The following ANXA4 variants were observed in gnomAD, a reference collection of about 807,000 sequenced individuals.
ANXA4 encodes the protein annexin A4, also known as 35-beta calcimedin.
A neutral mutation model predicts 49.8 loss-of-function variants in ANXA4; 39 were observed. That is an observed-to-expected ratio of 0.78 (90% CI 0.61 to 1.02). The LOEUF (loss-of-function observed/expected upper bound fraction) is 1.02. Ranked by LOEUF, ANXA4 falls within the 50% of genes least tolerant of loss-of-function variation. The probability of loss-of-function intolerance (pLI) is 0.00; values close to 1 mark genes in which losing one functional copy is unlikely to be tolerated. For synonymous variants in ANXA4, 134 were observed against 152.5 expected (o/e 0.88, Z 0.89); for missense variants, 360 against 410.1 (o/e 0.88, Z 1.05).
intron 3 of ANXA4, among the ~76,000 whole-genome samples, chr2:69,732,200 A>C (rs904522277): frequency 3.3e-5 from 5 of 150,948 alleles, no homozygotes; most frequent in African/African-American, 1.2e-4. Flanking sequence ...GATGGTCTCA[A>C]TCTCCTGACC....
At chr2:69,799,042 A>G (rs2103778264) in intron 3 of ANXA4, among the ~76,000 whole-genome samples, 1 of 152,278 alleles carries the variant, frequency 6.6e-6, no homozygotes, top group East Asian at 1.9e-4. Flanking sequence ...TGGTCTAGGG[A>G]GGAGGGGCCT....
At chr2:69,708,538 A>G (rs1678575980) in intron 2 of ANXA4, among the ~76,000 whole-genome samples, 1 of 151,890 alleles carries the variant, frequency 6.6e-6, no homozygotes, top group Non-Finnish European at 1.5e-5. Flanking sequence ...AAAGAAAGAG[A>G]GAGAGAGAGA....
chr2:69,758,682 T>C (rs1414935059), intron 1 of ANXA4, among the ~76,000 whole-genome samples: 1 of 152,196 alleles, frequency 6.6e-6, no homozygotes, highest in Non-Finnish European at 1.5e-5. Context: ...TACGCCTAAA[T>C]ATTAAATTAA....
chr2:69,678,341 C>CT (rs1228987109), intron 2 of ANXA4, among the ~76,000 whole-genome samples: 268 of 78,106 alleles, frequency 3.4e-3, no homozygotes, highest in Admixed American at 7.0e-3. Flanking sequence ...TGCTAAATTG[C>CT]TTTTTTTTTT....
intron 3 of ANXA4, among the ~76,000 whole-genome samples, chr2:69,793,031 A>G (rs889187175): frequency 2.0e-5 from 3 of 151,256 alleles, no homozygotes; most frequent in African/African-American, 7.2e-5. Context: ...AGGCGGGCGG[A>G]TCACGAGGTC....
intron 1 of ANXA4, among the ~76,000 whole-genome samples, chr2:69,769,434 T>G (rs1671625986): frequency 6.6e-6 from 1 of 152,206 alleles, no homozygotes; most frequent in Non-Finnish European, 1.5e-5. Context: ...TCATGCTAAC[T>G]TCAGGCAAAT....
intron 1 of ANXA4, among the ~76,000 whole-genome samples, chr2:69,771,202 C>G (rs1484648235): frequency 6.6e-6 from 1 of 151,720 alleles, no homozygotes; most frequent in Non-Finnish European, 1.5e-5. Flanking sequence ...AAGCCAAACT[C>G]TAGCCTAAAA....
At chr2:69,748,390 G>GAA (rs776657477) in intron 1 of ANXA4, among the ~76,000 whole-genome samples, 1,400 of 130,484 alleles carry the variant, frequency 0.011, 21 homozygotes, top group African/African-American at 0.037. Flanking sequence ...CTCAAAAAAA[G>GAA]AAAAAAAAAA....
intron 2 of ANXA4, among the ~76,000 whole-genome samples, chr2:69,710,145 G>T (rs1361548018): frequency 1.3e-5 from 2 of 151,842 alleles, no homozygotes; most frequent in Non-Finnish European, 2.9e-5. Context: ...GTGCCACCAC[G>T]CCCGGCTAAT....
chr2:69,653,884 A>G (rs1676342159), intron 2 of ANXA4, among the ~76,000 whole-genome samples: 1 of 152,204 alleles, frequency 6.6e-6, no homozygotes, highest in Non-Finnish European at 1.5e-5. Context: ...CAGTATGACC[A>G]TTTTCACAAT....
intron 1 of ANXA4, among the ~76,000 whole-genome samples, chr2:69,756,343 T>G (rs1045365204): frequency 2.6e-5 from 4 of 152,214 alleles, no homozygotes; most frequent in Non-Finnish European, 5.9e-5. Context: ...ATGAGTCACA[T>G]AGTCAGCTAG....
At chr2:69,650,221 C>T (rs1468174816) in intron 1 of ANXA4, among the ~76,000 whole-genome samples, 1 of 152,064 alleles carries the variant, frequency 6.6e-6, no homozygotes, top group African/African-American at 2.4e-5. Flanking sequence ...CAGGCATGAG[C>T]CACCGTGCTT....
intron 1 of ANXA4, among the ~76,000 whole-genome samples, chr2:69,772,773 C>T (rs960491052): frequency 6.6e-6 from 1 of 152,140 alleles, no homozygotes; most frequent in African/African-American, 2.4e-5. Flanking sequence ...AATCCCAGCA[C>T]TTTGGGAGGC....
chr2:69,779,107 CAAAAAAAAAAAAA>C (rs70954359), intron 1 of ANXA4, among the ~76,000 whole-genome samples: 1 of 45,446 alleles, frequency 2.2e-5, no homozygotes, highest in Non-Finnish European at 4.7e-5. Flanking sequence ...CACTCTGCCT[CAAAAAAAAAAAAA>C]AAAAAAAAAA....
chr2:69,733,032 T>C (rs975628080), intron 3 of ANXA4, among the ~76,000 whole-genome samples: 1 of 152,206 alleles, frequency 6.6e-6, no homozygotes, highest in African/African-American at 2.4e-5. Context: ...TGCAAATAAA[T>C]ATGTTGTCAG....
chr2:69,695,585 A>C (rs1678134446), intron 2 of ANXA4, among the ~76,000 whole-genome samples: 1 of 152,236 alleles, frequency 6.6e-6, no homozygotes, highest in Non-Finnish European at 1.5e-5. Context: ...GAAGTGGAGG[A>C]GAAACCACGC....
At chr2:69,682,372 T>A (rs775890304) in intron 2 of ANXA4, among the ~76,000 whole-genome samples, 11 of 152,302 alleles carry the variant, frequency 7.2e-5, no homozygotes, top group Non-Finnish European at 1.3e-4. Context: ...TGTTGTGGAA[T>A]CTATTGAGTT....
At chr2:69,799,006 A>G (rs547479984) in intron 3 of ANXA4, among the ~76,000 whole-genome samples, 2 of 152,338 alleles carry the variant, frequency 1.3e-5, no homozygotes, top group Admixed American at 1.3e-4. Flanking sequence ...GCTAAGCAGT[A>G]GTAAAAATGT....
intron 2 of ANXA4, among the ~76,000 whole-genome samples, chr2:69,709,773 G>A (rs1678617925): frequency 1.3e-5 from 2 of 152,164 alleles, no homozygotes; most frequent in Admixed American, 1.3e-4. Flanking sequence ...GTTATTAATA[G>A]TATCACGAAT....
Sources: allele counts gnomAD v4.1 joint callset (sites outside exome capture counted in the v4.1 genomes callset), GRCh38; gene constraint gnomAD v4.1.1; transcripts MANE v1.5; gene names NCBI Gene and HGNC (gene_info 2026-07-23, HGNC 2026-07-21).